Variants in MROH2A observed in about 807,000 individuals in gnomAD.
MROH2A encodes the protein maestro heat-like repeat-containing protein family member 2A.
In MROH2A, 174 loss-of-function variants were observed where a neutral mutation model predicts 200.4. The observed-to-expected ratio is 0.87, with a 90% CI of 0.77 to 0.98. MROH2A has a LOEUF of 0.98. Ranked by LOEUF, MROH2A falls within the 50% of genes least tolerant of loss-of-function variation. MROH2A has a pLI of 0.00. For synonymous variants in MROH2A, 829 were observed against 840.4 expected (o/e 0.99, Z 0.23); for missense variants, 2,045 against 2,139.6 (o/e 0.96, Z 0.87).
chr2:233,791,899 G>A (rs1312314877), intron 5 of MROH2A, among the ~76,000 whole-genome samples: 2 of 152,128 alleles, frequency 1.3e-5, no homozygotes, highest in Admixed American at 6.5e-5. Context: ...GGACAGCAGC[G>A]AGGGGGATTA....
chr2:233,823,034 C>T lies in MROH2A; in HGVS notation c.4004+16C>T, dbSNP rs1204634926. On this transcript the variant is annotated intron_variant, in intron 34 of 41. Coordinates refer to ENST00000389758, the MANE Select transcript of MROH2A (RefSeq NM_001394639.1). ...TGCTGGCCAGGTGGGCCCTGGCTCC[C>T]ACAGGGTGGCAGGGGGACCTGCAGA... 8 of 1,549,530 alleles carry T rather than the reference C, an allele frequency of 5.2e-6. No homozygotes were observed. In the Admixed American group the frequency reaches 1.6e-4, roughly 30 times the overall value.
At chr2:233,801,620 C>T (rs563585193) in intron 14 of MROH2A, among the ~76,000 whole-genome samples, 3 of 152,272 alleles carry the variant, frequency 2.0e-5, no homozygotes, top group South Asian at 2.1e-4. Context: ...GAAATCCCAG[C>T]GTTTCACTCT....
At chr2:233,778,732 A>T (rs576693155) in intron 1 of MROH2A, among the ~76,000 whole-genome samples, 1 of 152,242 alleles carries the variant, frequency 6.6e-6, no homozygotes, top group Non-Finnish European at 1.5e-5. Flanking sequence ...CTCATTAGCC[A>T]TTAATTATCA....
At position 233,779,728 on chromosome 2, in the gene MROH2A, C is replaced by G; in HGVS notation, c.152C>G (p.Thr51Arg). 1.3e-6 allele frequency: 2 copies of G among 1,551,160 alleles called. No individual in the cohort carries two copies. Among genetic ancestry groups the G allele is most frequent in the Non-Finnish European group, 1.7e-6 (2 of 1,147,120 alleles). Reference sequence around the variant, plus strand: ...ATCATTGACAGCGAGTCAGCAAAGACGGACACAACAGGGGCAGGCCTTGAC... The same window carrying G: ...ATCATTGACAGCGAGTCAGCAAAGAGGGACACAACAGGGGCAGGCCTTGAC... ...LDIIDSESAKTDTTGAGLDMR... is the reference protein window; with the variant it reads ...LDIIDSESAKRDTTGAGLDMR... The change falls in exon 3 of 42, where the codon ACG (threonine) becomes AGG (arginine). Residue 51 changes from threonine (T) to arginine (R), a missense_variant. Physicochemically the swap from Thr to Arg is moderately conservative, Grantham distance 71. This residue lies in a region of MROH2A where 831 missense variants were observed against 800.0 expected (regional missense o/e 1.04). Coordinates refer to ENST00000389758, the MANE Select transcript of MROH2A (RefSeq NM_001394639.1).
chr2:233,824,357 A>G (rs990605446), intron 35 of MROH2A, among the ~76,000 whole-genome samples: 1 of 152,256 alleles, frequency 6.6e-6, no homozygotes, highest in African/African-American at 2.4e-5. Context: ...AGTGGGCTGT[A>G]CAAAAGCTCC....
At chr2:233,810,409 T>G (rs1703081597) in intron 22 of MROH2A, among the ~76,000 whole-genome samples, 1 of 152,222 alleles carries the variant, frequency 6.6e-6, no homozygotes, top group African/African-American at 2.4e-5. Flanking sequence ...CTTGTGAGAC[T>G]TATTCACTGT....
Position 233,779,414 on chromosome 2 carries a change from A to G in MROH2A, c.56A>G (p.Glu19Gly), listed in dbSNP as rs780657719. 1 of 1,549,984 alleles carries G rather than the reference A, an allele frequency of 6.5e-7. No homozygotes were observed. Among genetic ancestry groups the G allele is most frequent in the South Asian group, 1.2e-5 (1 of 84,048 alleles). ...GCCTCAAGTGAGGAGGTGTCAGAGGAAAGAGACGACCTGGGGCCTCTTGAA... is the reference window on the plus strand; with the variant it reads ...GCCTCAAGTGAGGAGGTGTCAGAGGGAAGAGACGACCTGGGGCCTCTTGAA... ...AVASSEEVSE[E>G]RDDLGPLELH... The change falls in exon 2 of 42, where the codon GAA becomes GGA. Residue 19 changes from glutamate (E) to glycine (G), a missense_variant. By Grantham distance (98) the Glu-to-Gly change is moderately conservative (BLOSUM62 -2). Transcript: ENST00000389758.
chr2:233,830,528 CACAGGACAAGTACTGTCACT>C (rs1704655603), intron 38 of MROH2A, among the ~76,000 whole-genome samples: 1 of 152,190 alleles, frequency 6.6e-6, no homozygotes, highest in Non-Finnish European at 1.5e-5. Context: ...GCTCTGGGGT[CACAGGACAAGTACTGTCACT>C]ATGAGGGCAG....
intron 14 of MROH2A, among the ~76,000 whole-genome samples, chr2:233,800,778 G>A (rs1185480834): frequency 1.3e-5 from 2 of 152,032 alleles, no homozygotes; most frequent in South Asian, 2.1e-4. Context: ...GGGAAGGAGT[G>A]GAAGGAGTTC....
intron 21 of MROH2A, among the ~76,000 whole-genome samples, chr2:233,808,129 G>A (rs1702923672): frequency 1.3e-5 from 2 of 152,192 alleles, no homozygotes; most frequent in Non-Finnish European, 2.9e-5. Context: ...TCTCAGACTG[G>A]CAGTGGGGGC....
chr2:233,827,736 A>T (rs533790850), intron 35 of MROH2A, among the ~76,000 whole-genome samples: 10 of 150,988 alleles, frequency 6.6e-5, no homozygotes, highest in South Asian at 4.2e-4. Context: ...AATAAAAATT[A>T]AAAAAAAAAT....
intron 3 of MROH2A, among the ~76,000 whole-genome samples, chr2:233,783,734 C>T (rs913228507): frequency 1.1e-4 from 16 of 151,992 alleles, no homozygotes; most frequent in African/African-American, 1.9e-4. Flanking sequence ...TTGGTAGAGA[C>T]GGGCCATGTT....
chr2:233,826,416 G>A (rs755444586), intron 35 of MROH2A, among the ~76,000 whole-genome samples: 1 of 152,080 alleles, frequency 6.6e-6, no homozygotes, highest in Non-Finnish European at 1.5e-5. Context: ...GAAATAAGAT[G>A]GCACATCTAC....
intron 24 of MROH2A, among the ~76,000 whole-genome samples, chr2:233,812,960 T>C (rs1353781666): frequency 6.6e-6 from 1 of 152,132 alleles, no homozygotes; most frequent in Non-Finnish European, 1.5e-5. Flanking sequence ...CTCTCAACTC[T>C]AGGGGCACAA....
chr2:233,810,799 C>G lies in MROH2A; in HGVS notation c.2454C>G (p.Ile818Met), dbSNP rs1480866056. 1.3e-6 allele frequency: 2 copies of G among 1,550,306 alleles called. No homozygotes were observed. Among genetic ancestry groups the G allele is most frequent in the Admixed American group, 2.0e-5 (1 of 51,008 alleles). The stretch of plus-strand genomic sequence containing the variant: ...TTTTCCCCTTCTGGGCTCAGGACAT[C>G]TGTCTCAAAATGGCCTTCATGAAGA... Reference protein sequence around the residue: ...IHHYVSSCQDICLKMAFMKSV... With the variant: ...IHHYVSSCQDMCLKMAFMKSV... The change falls in exon 23 of 42, where the codon ATC becomes ATG. Residue 818 changes from isoleucine (I) to methionine (M), a missense_variant. Physicochemically the swap from Ile to Met is conservative, Grantham distance 10. Around this residue, in one of 3 missense-constraint regions of MROH2A, gnomAD observed 1,201 missense variants for 1,311.3 expected, o/e 0.92. Transcript: ENST00000389758.
intron 35 of MROH2A, among the ~76,000 whole-genome samples, chr2:233,824,307 C>A (rs1704159145): frequency 6.7e-6 from 1 of 148,448 alleles, no homozygotes; most frequent in Non-Finnish European, 1.5e-5. Context: ...TTCTATATTT[C>A]TTTTCCCCAA....
chr2:233,797,105 A>C (rs1170549434), intron 11 of MROH2A, among the ~76,000 whole-genome samples: 1 of 152,216 alleles, frequency 6.6e-6, no homozygotes, highest in African/African-American at 2.4e-5. Flanking sequence ...CAGACCAAAA[A>C]CAGCTGTGGA....
At chr2:233,808,847 C>CA (rs1702971928) in intron 21 of MROH2A, among the ~76,000 whole-genome samples, 1 of 152,176 alleles carries the variant, frequency 6.6e-6, no homozygotes, top group Admixed American at 6.5e-5. Flanking sequence ...CACCTCCCCC[C>CA]ACAGGTGATG....
intron 29 of MROH2A, 50 bp from the exon 30 acceptor site, chr2:233,819,267 A>G (rs1703767904): frequency 6.6e-7 from 1 of 1,517,254 alleles, no homozygotes; most frequent in Non-Finnish European, 8.9e-7. Flanking sequence ...GAGTGTCAGC[A>G]GTCATGGAGT....
Sources: allele counts gnomAD v4.1 joint callset (sites outside exome capture counted in the v4.1 genomes callset), GRCh38; gene constraint gnomAD v4.1.1; regional missense constraint gnomAD v4.1.1; transcripts MANE v1.5; gene names NCBI Gene and HGNC (gene_info 2026-07-23, HGNC 2026-07-21).